The following MPRIP variants were observed in gnomAD, a reference collection of about 807,000 sequenced individuals.
MPRIP encodes myosin phosphatase Rho interacting protein, also known as myosin phosphatase Rho-interacting protein.
Under a neutral mutation model 234.9 loss-of-function variants are expected in MPRIP, and 59 were observed. The ratio of observed to expected loss-of-function variants is 0.25; its 90% confidence interval spans 0.20 to 0.31. The LOEUF is 0.31. MPRIP is among the 10% of genes least tolerant of loss of function. The pLI is 1.00. For synonymous variants in MPRIP, 1,144 were observed against 1,263.9 expected, an observed-to-expected ratio of 0.91 and a Z score of 2.01; for missense variants, 2,436 against 3,071.0, an observed-to-expected ratio of 0.79 and a Z score of 4.89.
At position 17,102,127 on chromosome 17, in the gene MPRIP, A is replaced by G. The variant is rs778350841; in HGVS notation, c.267+24051A>G. ...GGTCCCAAACTCCTGGACTCAAGCA[A>G]TCCTCCTGCCTCGGCCTCCCAAAAC... On this transcript the variant is annotated intron_variant, in intron 3 of 23. Coordinates refer to ENST00000651222, the MANE Select transcript of MPRIP (RefSeq NM_001364716.4). 8.6e-5 allele frequency among the ~76,000 whole-genome samples: 13 copies of G among 151,940 alleles called. 1 individual carries two copies. The highest frequency in any genetic ancestry group is 3.3e-4 in the Admixed American group (5 of 15,264).
intron 19 of MPRIP, among the ~76,000 whole-genome samples, chr17:17,174,909 G>T (rs866159797): frequency 3.3e-5 from 5 of 152,164 alleles, no homozygotes; most frequent in Admixed American, 6.5e-5. Flanking sequence ...TTTTCTGTGG[G>T]CACCAAATTA....
intron 23 of MPRIP, 109 bp from the exon 24 acceptor site, chr17:17,184,714 C>G: frequency 1.3e-6 from 1 of 768,604 alleles, no homozygotes; most frequent in South Asian, 1.5e-5. Flanking sequence ...CTGCACCCGG[C>G]TCTCTGACTG....
intron 15 of MPRIP, among the ~76,000 whole-genome samples, chr17:17,163,188 A>G (rs2045909510): frequency 1.3e-5 from 2 of 152,284 alleles, no homozygotes; most frequent in South Asian, 4.1e-4. Context: ...AGCTTGCATG[A>G]TTTGGACATT....
intron 9 of MPRIP, among the ~76,000 whole-genome samples, chr17:17,145,483 C>G (rs989411616): frequency 1.3e-5 from 2 of 152,208 alleles, no homozygotes; most frequent in South Asian, 4.1e-4. Flanking sequence ...GCGCTGCCCC[C>G]CTGTCTGCCA....
At chr17:17,060,735 A>T (rs897396216) in intron 1 of MPRIP, among the ~76,000 whole-genome samples, 1 of 152,192 alleles carries the variant, frequency 6.6e-6, no homozygotes, top group Non-Finnish European at 1.5e-5. Context: ...CTCCCGGGAC[A>T]GGGCTCTGGG....
intron 14 of MPRIP, among the ~76,000 whole-genome samples, chr17:17,160,596 G>T (rs184537346): frequency 6.6e-6 from 1 of 152,214 alleles, no homozygotes; most frequent in South Asian, 2.1e-4. Flanking sequence ...AGCAAGAAGA[G>T]TGTAAAATAG....
intron 3 of MPRIP, among the ~76,000 whole-genome samples, chr17:17,106,715 G>A (rs867225444): frequency 3.9e-5 from 6 of 152,164 alleles, no homozygotes; most frequent in African/African-American, 9.7e-5. Context: ...GAAAAAAGAC[G>A]CCACACATGG....
rs372318149 is a variant in MPRIP, at chr17:17,147,394, G to T, written c.1629+7G>T. The T allele has an allele frequency of 1.2e-6, 2 of 1,613,954 alleles. No individual in the cohort carries two copies. Among genetic ancestry groups the T allele is most frequent in the Non-Finnish European group, 1.7e-6 (2 of 1,179,922 alleles). On this transcript the variant is annotated splice_region_variant and intron_variant, in intron 11 of 23. Coordinates refer to ENST00000651222, the MANE Select transcript of MPRIP (RefSeq NM_001364716.4). Reference sequence around the variant, plus strand: ...GGATTCAGTGGCTGAGGAGGTGAGTGTCTGGGCTTTGCCTCTGCTGTGGAG... The same window carrying T: ...GGATTCAGTGGCTGAGGAGGTGAGTTTCTGGGCTTTGCCTCTGCTGTGGAG...
intron 15 of MPRIP, 53 bp from the exon 16 acceptor site, chr17:17,164,056 C>G: frequency 8.0e-7 from 1 of 1,247,280 alleles, no homozygotes; most frequent in Non-Finnish European, 1.1e-6. Context: ...GTGTGACACT[C>G]AGAACTGGGA....
intron 13 of MPRIP, among the ~76,000 whole-genome samples, chr17:17,154,633 A>T (rs547031562): frequency 3.9e-5 from 6 of 152,204 alleles, no homozygotes; most frequent in African/African-American, 7.2e-5. Context: ...CAAGCGTTTC[A>T]TCTTGCAGGT....
chr17:17,057,510 T>A (rs2088737603), intron 1 of MPRIP: 1 of 689,300 alleles, frequency 1.5e-6, no homozygotes, highest in Non-Finnish European at 2.7e-6. Flanking sequence ...TGCTGGGAGC[T>A]GCTGGCAGAG....
At chr17:17,120,767 G>A (rs1214968813) in intron 3 of MPRIP, among the ~76,000 whole-genome samples, 1 of 152,222 alleles carries the variant, frequency 6.6e-6, no homozygotes, top group African/African-American at 2.4e-5. Context: ...ACCTCTGGAG[G>A]TATAGAATTA....
intron 22 of MPRIP, 64 bp from the exon 23 acceptor site, chr17:17,179,939 C>G: frequency 6.0e-6 from 8 of 1,322,590 alleles, no homozygotes; most frequent in Non-Finnish European, 7.5e-6. Context: ...AGGATTTAGT[C>G]TGGTTCCAGA....
intron 3 of MPRIP, among the ~76,000 whole-genome samples, chr17:17,081,874 C>T (rs550608334): frequency 1.3e-5 from 2 of 152,134 alleles, no homozygotes; most frequent in Admixed American, 6.5e-5. Flanking sequence ...GCAAATTTCC[C>T]GAAAAAGGAA....
At chr17:17,064,397 G>A (rs964273030) in intron 1 of MPRIP, among the ~76,000 whole-genome samples, 3 of 151,912 alleles carry the variant, frequency 2.0e-5, no homozygotes, top group Non-Finnish European at 2.9e-5. Context: ...TGAGATAATC[G>A]TGTTTCCCCT....
chr17:17,139,160 C>G (rs1158199058), intron 7 of MPRIP, among the ~76,000 whole-genome samples: 4 of 152,206 alleles, frequency 2.6e-5, no homozygotes, highest in Non-Finnish European at 5.9e-5. Context: ...CCTGCCCTGC[C>G]CTTGTTCTCC....
At chr17:17,062,006 G>A (rs936030708) in intron 1 of MPRIP, among the ~76,000 whole-genome samples, 2 of 152,006 alleles carry the variant, frequency 1.3e-5, no homozygotes, top group African/African-American at 4.8e-5. Flanking sequence ...CATGGAAGGA[G>A]TATGTGTATT....
At position 17,172,774 on chromosome 17, in the gene MPRIP, C is replaced by T. The variant is rs1005073374; in HGVS notation, c.6549C>T (p.Ser2183=). ...ELEKSQRSQI[S]SVNSDVEALR... is the part of the protein sequence containing the mutation. ...AGAAGAGCCAGCGGTCCCAGATCAG[C>T]AGCGTCAACTCGGATGTTGAGGCCC... The change falls in exon 18 of 24, where the codon AGC becomes AGT. Residue 2183 remains serine (S), a synonymous_variant. Transcript: ENST00000651222. 6.2e-7 allele frequency: 1 copy of T among 1,612,598 alleles called. No homozygotes were observed. The highest frequency in any genetic ancestry group is 8.5e-7 in the Non-Finnish European group (1 of 1,180,012).
chr17:17,188,853 C>T lies in MPRIP; in HGVS notation c.*3959C>T, dbSNP rs913000919. 6.6e-6 allele frequency: 1 copy of T among 152,098 alleles called. No individual in the cohort carries two copies. Among genetic ancestry groups the T allele is most frequent in the Non-Finnish European group, 1.5e-5 (1 of 68,010 alleles). The allele number at this position is 152,098 out of a possible 1,614,324, so 9.4% of individuals were successfully genotyped here. A position where few individuals can be genotyped will look rare whatever the true frequency, so the allele number is the denominator to read the frequency against. ...CCTGTGTGGGGTCCCTGTTGGCAGC[C>T]AGGTCCCTACACAAACAAGTAATCC... On this transcript the variant is annotated 3_prime_UTR_variant, in exon 24 of 24. Coordinates refer to ENST00000651222, the MANE Select transcript of MPRIP (RefSeq NM_001364716.4).
Sources: gnomAD v4.1 joint callset for allele counts (sites outside exome capture counted in the v4.1 genomes callset) on GRCh38, gnomAD v4.1.1 for gene constraint, MANE v1.5 for transcripts, NCBI Gene and HGNC (gene_info 2026-07-23, HGNC 2026-07-21) for gene names.